The following ESRRG variants were observed in gnomAD, a reference collection of about 807,000 sequenced individuals.
ESRRG encodes the protein estrogen related receptor gamma.
In ESRRG, 13 loss-of-function variants were observed where a neutral mutation model predicts 44.0. The ratio of observed to expected loss-of-function variants is 0.30; its 90% confidence interval spans 0.19 to 0.47. The LOEUF is 0.47. Ranked by LOEUF, ESRRG falls within the 20% of genes least tolerant of loss-of-function variation. The pLI is 1.00. For missense variants in ESRRG, 395 were observed against 580.6 expected (o/e 0.68, Z 3.29); for synonymous variants, 215 against 214.6 (o/e 1.00, Z -0.02).
At chr1:216,904,242 T>C (rs879394770) in intron 2 of ESRRG, among the ~76,000 whole-genome samples, 3 of 151,952 alleles carry the variant, frequency 2.0e-5, no homozygotes, top group Non-Finnish European at 2.9e-5. Context: ...AATAATTTCT[T>C]AATTCTCTAA....
intron 1 of ESRRG, among the ~76,000 whole-genome samples, chr1:216,992,944 A>G (rs2075927838): frequency 1.3e-5 from 2 of 152,178 alleles, no homozygotes; most frequent in African/African-American, 4.8e-5. Context: ...CACCATCTAA[A>G]ATATCACCTC....
chr1:217,113,916 T>C (rs555268502), intron 1 of ESRRG, among the ~76,000 whole-genome samples: 1 of 151,916 alleles, frequency 6.6e-6, no homozygotes, highest in South Asian at 2.1e-4. Flanking sequence ...TTGCCTAAGC[T>C]CAGGAGTTAG....
intron 3 of ESRRG, among the ~76,000 whole-genome samples, chr1:216,644,016 G>T (rs1397056921): frequency 3.3e-5 from 5 of 152,106 alleles, no homozygotes; most frequent in Admixed American, 3.3e-4. Flanking sequence ...ATACAGGAAG[G>T]TCCTAGGCAT....
intron 3 of ESRRG, among the ~76,000 whole-genome samples, chr1:216,598,673 AAGTC>A (rs1406645295): frequency 1.3e-5 from 2 of 152,210 alleles, no homozygotes; most frequent in East Asian, 3.9e-4. Context: ...CTCTCACAGC[AAGTC>A]AGTGAAATAT....
intron 2 of ESRRG, among the ~76,000 whole-genome samples, chr1:216,785,507 G>C (rs1317459096): frequency 6.6e-6 from 1 of 151,948 alleles, no homozygotes; most frequent in Non-Finnish European, 1.5e-5. Context: ...CCCTACCTCT[G>C]AGCAGTAGGA....
chr1:217,042,756 C>T lies in ESRRG; in HGVS notation c.-106+46751G>A, dbSNP rs550282396. Among the ~76,000 whole-genome samples the T allele has an allele frequency of 2.0e-5, 3 of 152,118 alleles. No individual in the cohort carries two copies. In the East Asian group the frequency reaches 5.8e-4, roughly 29 times the overall value. ...CACTTTAAAAAAAAAAATTAAAAAG[C>T]TCTCCAAAAGGGTCTATTTAAATAA... On this transcript the variant is annotated intron_variant, in intron 1 of 7. Transcript: ENST00000359162.
chr1:216,507,303 T>C, intron 6 of ESRRG, 120 bp from the exon 7 acceptor site: 1 of 641,432 alleles, frequency 1.6e-6, no homozygotes, highest in South Asian at 3.2e-5. Flanking sequence ...CTTGAACCTA[T>C]GATTTGTTCA....
chr1:216,550,597 G>C (rs148896454), intron 5 of ESRRG, among the ~76,000 whole-genome samples: 1 of 152,074 alleles, frequency 6.6e-6, no homozygotes, highest in Non-Finnish European at 1.5e-5. Flanking sequence ...AAGTATGGAC[G>C]CAACATGGAG....
At chr1:217,003,542 T>C (rs966016185) in intron 1 of ESRRG, among the ~76,000 whole-genome samples, 5 of 149,492 alleles carry the variant, frequency 3.3e-5, no homozygotes, top group African/African-American at 9.9e-5. Context: ...TTAATACTAA[T>C]ATTAGGCTTG....
rs34882909 is a variant in ESRRG at position 216,761,224 on chromosome 1, C to CTT, written c.-13-83735_-13-83734dup. Reference sequence around the variant, plus strand: ...AGTTTTACTACCTTATACATACTTCCTTTTTTTTTATCAATTCCTGGTATT... The same window carrying CTT: ...AGTTTTACTACCTTATACATACTTCCTTTTTTTTTTTATCAATTCCTGGTATT... On this transcript the variant is annotated intron_variant, in intron 2 of 7. Transcript: ENST00000359162. Among the ~76,000 whole-genome samples the CTT allele has an allele frequency of 4.2e-3, 640 of 151,160 alleles. 5 individuals are homozygous for CTT. The highest frequency in any genetic ancestry group is 0.03 in the East Asian group (156 of 5,126).
chr1:216,991,649 GAT>G (rs2075730912), intron 1 of ESRRG, among the ~76,000 whole-genome samples: 1 of 126,358 alleles, frequency 7.9e-6, no homozygotes, highest in African/African-American at 2.8e-5. Context: ...GATGGGATGG[GAT>G]GGGATGGGAT....
chr1:216,541,784 G>C (rs1446058765), intron 5 of ESRRG, among the ~76,000 whole-genome samples: 1 of 151,722 alleles, frequency 6.6e-6, no homozygotes, highest in Admixed American at 6.6e-5. Context: ...CCAATACTGT[G>C]ACTGAATTCC....
intron 3 of ESRRG, among the ~76,000 whole-genome samples, chr1:216,619,453 G>A (rs574149462): frequency 1.3e-5 from 2 of 152,216 alleles, no homozygotes; most frequent in South Asian, 4.2e-4. Flanking sequence ...CAAAGAAATG[G>A]GAAGTAAGAT....
intron 1 of ESRRG, among the ~76,000 whole-genome samples, chr1:217,033,132 T>C (rs937926113): frequency 1.3e-5 from 2 of 152,218 alleles, no homozygotes. Context: ...GCAAGGGCTT[T>C]GCCCAGAGTG....
At chr1:216,888,003 T>C (rs1216023497) in intron 2 of ESRRG, among the ~76,000 whole-genome samples, 3 of 90,646 alleles carry the variant, frequency 3.3e-5, no homozygotes, top group Non-Finnish European at 6.8e-5. Flanking sequence ...CAATTTGTAA[T>C]TGACTTTTTT....
chr1:217,046,974 A>G (rs564367924), intron 1 of ESRRG, among the ~76,000 whole-genome samples: 1 of 152,242 alleles, frequency 6.6e-6, no homozygotes, highest in South Asian at 2.1e-4. Context: ...TTGTAAGCTG[A>G]TTGAATATAT....
In ESRRG at chr1:216,720,947, A is replaced by G. The variant is rs556960184; in HGVS notation, c.56+2297T>C. 9.8e-5 allele frequency among the ~76,000 whole-genome samples: 15 copies of G among 152,294 alleles called. No individual in the cohort carries two copies. The South Asian group carries it at 3.1e-3, about 32-fold the overall frequency. On this transcript the variant is annotated intron_variant, in intron 1 of 6. Coordinates refer to ENST00000408911, the MANE Select transcript of ESRRG (RefSeq NM_001438.4). ...GTCAGTAAAATTAAGTCCGCTCTAT[A>G]ATCCTGTAGTCAATGTTACATTTTA...
At chr1:216,531,500 C>T (rs2049369310) in intron 5 of ESRRG, among the ~76,000 whole-genome samples, 1 of 152,092 alleles carries the variant, frequency 6.6e-6, no homozygotes, top group Non-Finnish European at 1.5e-5. Flanking sequence ...GCAACCCCTT[C>T]GATTCCTCTC....
At chr1:216,718,406 G>T (rs188437187) in intron 1 of ESRRG, among the ~76,000 whole-genome samples, 1 of 151,824 alleles carries the variant, frequency 6.6e-6, no homozygotes, top group Non-Finnish European at 1.5e-5. Flanking sequence ...TACCATGTGT[G>T]TATTTATTTA....
Sources: gnomAD v4.1 joint callset for allele counts (sites outside exome capture counted in the v4.1 genomes callset) on GRCh38, gnomAD v4.1.1 for gene constraint, MANE v1.5 for transcripts, NCBI Gene and HGNC (gene_info 2026-07-23, HGNC 2026-07-21) for gene names.